Variants in PER1 observed in about 807,000 individuals in gnomAD.
PER1 encodes the protein period circadian protein homolog 1.
Under a neutral mutation model 125.9 loss-of-function variants are expected in PER1, and 87 were observed. The ratio of observed to expected loss-of-function variants is 0.69; its 90% CI spans 0.58 to 0.83. The LOEUF (loss-of-function observed/expected upper bound fraction) is 0.83. PER1 is among the 40% of genes least tolerant of loss of function. The pLI is 0.00. For synonymous variants in PER1, 801 were observed against 714.7 expected (o/e 1.12, Z -1.93); for missense variants, 1,775 against 1,722.8 (o/e 1.03, Z -0.54).
Position 8,149,532 on chromosome 17 carries a change from C to A in PER1, c.783G>T (p.Gln261His). The A allele has an allele frequency of 6.2e-7, 1 of 1,613,912 alleles. No homozygotes were observed. Among genetic ancestry groups the A allele is most frequent in the Non-Finnish European group, 8.5e-7 (1 of 1,179,976 alleles). ...GTRFSELLAPQDVGVFYGSTA... is the reference protein window; with the variant it reads ...GTRFSELLAPHDVGVFYGSTA... ...TGGAACCATAGAAGACTCCCACATC[C>A]TGGGGAGCCAGGAGCTCAGAGAAGC... The change falls in exon 6 of 23, where the codon CAG becomes CAT. Residue 261 changes from glutamine (Q) to histidine (H), a missense_variant. Physicochemically the swap from Gln to His is conservative, Grantham distance 24. Coordinates refer to ENST00000317276, the MANE Select transcript of PER1 (RefSeq NM_002616.3).
At position 8,148,774 on chromosome 17, in the gene PER1, G is replaced by A. The variant is rs1354708382; in HGVS notation, c.918C>T (p.Asp306=). Residue 306 remains aspartate, a synonymous_variant, in exon 8 of 23, where the codon GAC becomes GAT. Transcript: ENST00000317276. ...SVFCRIRGGP[D]RDPGPRYQPF... is the part of the protein sequence containing the mutation. ...GCTGGTACCGAGGCCCTGGATCCCGGTCAGGACCTCCTCTAGCAAAGGAGA... is the reference window on the plus strand; with the variant it reads ...GCTGGTACCGAGGCCCTGGATCCCGATCAGGACCTCCTCTAGCAAAGGAGA... 1 of 1,613,538 alleles carries A rather than the reference G, an allele frequency of 6.2e-7. No homozygotes were observed. The highest frequency in any genetic ancestry group is 1.7e-5 in the Admixed American group (1 of 59,840).
chr17:8,146,079 C>T lies in PER1; in HGVS notation c.2097G>A (p.Val699=), dbSNP rs752306955. The T allele has an allele frequency of 9.3e-6, 15 of 1,613,748 alleles. No homozygotes were observed. The highest frequency in any genetic ancestry group is 1.3e-5 in the Non-Finnish European group (15 of 1,179,882). The change falls in exon 17 of 23, where the codon GTG becomes GTA. Residue 699 remains valine, a synonymous_variant. Transcript: ENST00000317276. ...GGGCGAGCGGGCTCAGGGTGCCTCC[C>T]ACCACTGGCTCCTTCCGTGGGGTGG... ...EGATPRKEPV[V]GGTLSPLALA... is the part of the protein sequence containing the mutation.
Position 8,148,077 on chromosome 17 carries a change from G to A in PER1, c.1154C>T (p.Pro385Leu). The A allele has an allele frequency of 6.2e-7, 1 of 1,612,390 alleles. No individual in the cohort carries two copies. The highest frequency in any genetic ancestry group is 8.5e-7 in the Non-Finnish European group (1 of 1,179,316). The change falls in exon 10 of 23, where the codon CCC (proline) becomes CTC (leucine). Residue 385 changes from proline (P) to leucine (L), a missense_variant. Transcript: ENST00000317276. ...CACTGGGGCCCCCAGGAGGTCCTGG[G>A]GCAGGTAGCCCAGCAGGGGGGCAGC... ...ERAAPLLGYL[P>L]QDLLGAPVLL...
At chr17:8,143,972 G>C in intron 18 of PER1, 96 bp from the exon 19 acceptor site, 2 of 1,492,470 alleles carry the variant, frequency 1.3e-6, no homozygotes, top group Non-Finnish European at 1.8e-6. Flanking sequence ...GAGAGGACAG[G>C]CCAAGGTCCC....
intron 1 of PER1, among the ~76,000 whole-genome samples, chr17:8,151,869 G>C (rs1369612146): frequency 6.6e-6 from 1 of 152,192 alleles, no homozygotes; most frequent in Non-Finnish European, 1.5e-5. Flanking sequence ...CTGAGCGCCA[G>C]GGGAAAAGGG....
chr17:8,149,984 G>A lies in PER1; in HGVS notation c.516C>T (p.Val172=), dbSNP rs1982733660. The change falls in exon 4 of 23, where the codon GTC becomes GTT. Residue 172 remains valine (V), a synonymous_variant. Transcript: ENST00000317276. The part of the protein sequence containing the change: ...LATLQYALAC[V]KQVQANQEYY... ...CACACCACTTACCCTGCACCTGCTT[G>A]ACACAGGCCAGTGCGTACTGCAGCG... 1 of 1,613,556 alleles carries A rather than the reference G, an allele frequency of 6.2e-7. No homozygotes were observed. The highest frequency in any genetic ancestry group is 1.3e-5 in the African/African-American group (1 of 75,048).
Position 8,142,694 on chromosome 17 carries a change from C to G in PER1, c.3214G>C (p.Gly1072Arg). ...SLGSGLGSGSGSGSHEGGSTS... is the reference protein window; with the variant it reads ...SLGSGLGSGSRSGSHEGGSTS... ...CTGCCCCCTTCATGGGAGCCTGAAC[C>G]AGACCCAGAGCCCAAGCCAGAGCCC... The change falls in exon 20 of 23, where the codon GGT becomes CGT. Residue 1072 changes from glycine to arginine, a missense_variant. Coordinates refer to ENST00000317276, the MANE Select transcript of PER1 (RefSeq NM_002616.3). 4 of 1,614,060 alleles carry G rather than the reference C, an allele frequency of 2.5e-6. No homozygotes were observed. The highest frequency in any genetic ancestry group is 3.4e-6 in the Non-Finnish European group (4 of 1,180,012).
rs1205850205 is a variant in PER1, at chr17:8,148,647, C to T, written c.1045G>A (p.Glu349Lys). 20 of 1,604,770 alleles carry T rather than the reference C, an allele frequency of 1.2e-5. No individual in the cohort carries two copies. Among genetic ancestry groups the T allele is most frequent in the East Asian group, 4.5e-5 (2 of 44,714 alleles). Reference protein sequence around the residue: ...LIAERIHSGYEAPRIPPDKRI... With the variant: ...LIAERIHSGYKAPRIPPDKRI... ...GCCAGGGCCCTGACCTGCCCACCTTCGTAACCCGAATGGATGCGCTCTGCA... is the reference window on the plus strand; with the variant it reads ...GCCAGGGCCCTGACCTGCCCACCTTTGTAACCCGAATGGATGCGCTCTGCA... The change falls in exon 8 of 23, where the codon GAA becomes AAA. Residue 349 changes from glutamate to lysine, a missense_variant. Physicochemically the swap from Glu to Lys is moderately conservative, Grantham distance 56 (BLOSUM62 1). Coordinates refer to ENST00000317276, the MANE Select transcript of PER1 (RefSeq NM_002616.3).
chr17:8,149,218 AAAAAAG>A (rs757133095), intron 7 of PER1, 35 bp downstream of exon 7: 7 of 1,436,586 alleles, frequency 4.9e-6, no homozygotes, highest in Non-Finnish European at 6.7e-6. Context: ...AAAAACAAAA[AAAAAAG>A]GAGGCAGAGG....
intron 22 of PER1, 75 bp from the exon 23 acceptor site, chr17:8,141,415 C>T: frequency 6.7e-7 from 1 of 1,487,990 alleles, no homozygotes. Context: ...CTTCCCACCC[C>T]CAGCCCACTG....
intron 22 of PER1, 64 bp from the exon 23 acceptor site, chr17:8,141,404 G>A (rs1398057170): frequency 1.3e-6 from 2 of 1,513,718 alleles, no homozygotes; most frequent in South Asian, 1.2e-5. Context: ...TGCCAGCGCA[G>A]CTTCCCACCC....
At chr17:8,147,217 G>A (rs1338761277) in intron 13 of PER1, 33 bp downstream of exon 13, 12 of 1,581,194 alleles carry the variant, frequency 7.6e-6, no homozygotes, top group South Asian at 4.6e-5. Context: ...GGGAAAGGGC[G>A]ATTAGAGGGT....
At chr17:8,148,505 C>T in intron 8 of PER1, 139 bp downstream of exon 8, 1 of 1,120,526 alleles carries the variant, frequency 8.9e-7, no homozygotes, top group Non-Finnish European at 1.3e-6. Flanking sequence ...CTAAGAGGAG[C>T]TCAAATCCTC....
intron 18 of PER1, chr17:8,144,249 C>CTAGGAGG (rs1299485113): frequency 2.6e-6 from 1 of 390,680 alleles, no homozygotes; most frequent in Non-Finnish European, 4.6e-6. Context: ...TTCCTCCTGC[C>CTAGGAGG]CATCGAGGCC....
rs761243003 is a variant in PER1, at chr17:8,141,826, C to T, written c.3579G>A (p.Leu1193=). ...TCACCATCACATCAAGAGCCCGAGG[C>T]AGTTGGCCCTTCCGGACCCAGGAGT... ...AVHSWVRKGQ[L]PRALDVMACV... Residue 1193 remains leucine (L), a synonymous_variant, in exon 22 of 23, where the codon CTG becomes CTA. Transcript: ENST00000317276. 3.1e-6 allele frequency: 5 copies of T among 1,613,940 alleles called. No homozygotes were observed. In the African/African-American group the frequency reaches 6.7e-5, roughly 22 times the overall value.
At chr17:8,147,895 C>T in intron 10 of PER1, 68 bp from the exon 11 acceptor site, 1 of 1,596,308 alleles carries the variant, frequency 6.3e-7, no homozygotes, top group Non-Finnish European at 8.6e-7. Context: ...GGCCATGCCA[C>T]TAGAGATCCA....
In PER1 at chr17:8,140,474, C is replaced by G. The variant is rs986270037; in HGVS notation, c.*594G>C. 1 of 199,496 alleles carries G rather than the reference C, an allele frequency of 5.0e-6. No homozygotes were observed. Among genetic ancestry groups the G allele is most frequent in the Non-Finnish European group, 1.0e-5 (1 of 96,256 alleles). 12.4% of individuals were successfully genotyped at this position (199,496 alleles called of 1,614,324 possible). Reference sequence around the variant, plus strand: ...AAACTTCATTCCACAAAGTCCTGGGCGTTTTTATCTTTTTGTATTAAAAAA... The same window carrying G: ...AAACTTCATTCCACAAAGTCCTGGGGGTTTTTATCTTTTTGTATTAAAAAA... On this transcript the variant is annotated 3_prime_UTR_variant, in exon 23 of 23. Coordinates refer to ENST00000317276, the MANE Select transcript of PER1 (RefSeq NM_002616.3).
In PER1 at chr17:8,140,896, G is replaced by T; in HGVS notation, c.*172C>A. 1.4e-6 allele frequency: 1 copy of T among 699,068 alleles called. No homozygotes were observed. Among genetic ancestry groups the T allele is most frequent in the Non-Finnish European group, 2.4e-6 (1 of 418,270 alleles). The allele number at this position is 699,068 out of a possible 1,614,324, so 43.3% of individuals were successfully genotyped here. On this transcript the variant is annotated 3_prime_UTR_variant, in exon 23 of 23. Coordinates refer to ENST00000317276, the MANE Select transcript of PER1 (RefSeq NM_002616.3). ...GAGTTCTGCTCTCTGCTCCCTAAGA[G>T]GCCAGAGGCAGCCCCTGGATCCTAG...
chr17:8,147,840 G>A lies in PER1; in HGVS notation c.1235-13C>T. On this transcript the variant is annotated splice_polypyrimidine_tract_variant and intron_variant, in intron 10 of 22. Coordinates refer to ENST00000317276, the MANE Select transcript of PER1 (RefSeq NM_002616.3). ...GCCAACTGCAGAACTGATGGAAGTG[G>A]GAAAGGAGGAGCGGTCAAAGGGAGG... 1.9e-6 allele frequency: 3 copies of A among 1,613,596 alleles called. No individual in the cohort carries two copies. The East Asian group carries it at 6.7e-5, about 36-fold the overall frequency.
Sources: gnomAD v4.1 joint callset for allele counts (sites outside exome capture counted in the v4.1 genomes callset) on GRCh38, gnomAD v4.1.1 for gene constraint, MANE v1.5 for transcripts, NCBI Gene and HGNC (gene_info 2026-07-23, HGNC 2026-07-21) for gene names.